Variants in MTRES1 observed in about 807,000 individuals in gnomAD.
MTRES1 encodes mitochondrial transcription rescue factor 1.
A neutral mutation model predicts 17.4 loss-of-function variants in MTRES1; 11 were observed. The ratio of observed to expected loss-of-function variants is 0.63; its 90% CI spans 0.40 to 1.05. The LOEUF is 1.05. Among genes scored for constraint, MTRES1 ranks in the 50% least tolerant of loss-of-function variants. MTRES1 has a pLI of 0.00. For missense variants in MTRES1, 268 were observed against 276.2 expected (o/e 0.97, Z 0.21); for synonymous variants, 94 against 99.6 (o/e 0.94, Z 0.34).
chr6:107,038,738 C>T (rs1359869868), intron 1 of MTRES1, among the ~76,000 whole-genome samples: 1 of 152,166 alleles, frequency 6.6e-6, no homozygotes, highest in African/African-American at 2.4e-5. Context: ...AGTCAACAGT[C>T]TTTCTCTCCA....
At chr6:107,049,720 C>CTTT (rs66581737) in intron 3 of MTRES1, among the ~76,000 whole-genome samples, 1 of 98,814 alleles carries the variant, frequency 1.0e-5, no homozygotes, top group African/African-American at 3.8e-5. Flanking sequence ...GCCGGCCCTT[C>CTTT]TTTTTTTTTT....
chr6:107,039,256 G>A (rs1385063351), intron 1 of MTRES1, among the ~76,000 whole-genome samples: 2 of 152,032 alleles, frequency 1.3e-5, no homozygotes, highest in Non-Finnish European at 2.9e-5. Flanking sequence ...GATTCACTGT[G>A]CTGTGGTATA....
At chr6:107,043,324 A>G (rs1451752670) in intron 2 of MTRES1, among the ~76,000 whole-genome samples, 1 of 147,754 alleles carries the variant, frequency 6.8e-6, no homozygotes, top group Non-Finnish European at 1.5e-5. Context: ...ATGGAGCGAG[A>G]CTCCATCTCA....
In MTRES1 at chr6:107,028,242, C is replaced by G. The variant is rs562503506; in HGVS notation, c.-42C>G. 6.6e-6 allele frequency: 1 copy of G among 152,168 alleles called. No homozygotes were observed. Among genetic ancestry groups the G allele is most frequent in the African/African-American group, 2.4e-5 (1 of 41,432 alleles). The allele number at this position is 152,168 out of a possible 1,614,324, so 9.4% of individuals were successfully genotyped here. Reference sequence around the variant, plus strand: ...TGGAGGCCTGCAGTCCGCGCGGCCGCGGGGAGGGACGAGAGGGCCTGACGT... The same window carrying G: ...TGGAGGCCTGCAGTCCGCGCGGCCGGGGGGAGGGACGAGAGGGCCTGACGT... On this transcript the variant is annotated 5_prime_UTR_variant, in exon 1 of 4. Coordinates refer to ENST00000311381, the MANE Select transcript of MTRES1 (RefSeq NM_016487.5).
rs149313138 is a variant in MTRES1, at chr6:107,034,876, A to G, written c.-12-4873A>G. Among the ~76,000 whole-genome samples the G allele has an allele frequency of 8.9e-4, 135 of 152,092 alleles. 1 individual carries two copies. The East Asian group carries it at 0.023, about 26-fold the overall frequency. On this transcript the variant is annotated intron_variant, in intron 1 of 3. Coordinates refer to ENST00000311381, the MANE Select transcript of MTRES1 (RefSeq NM_016487.5). ...GTGGCACATGCCTGTAATCCCAGCT[A>G]CTAGGGAGGCTGAGGCAGGAGAATC...
At chr6:107,039,330 T>A (rs940152831) in intron 1 of MTRES1, among the ~76,000 whole-genome samples, 3 of 152,224 alleles carry the variant, frequency 2.0e-5, no homozygotes, top group Admixed American at 6.6e-5. Flanking sequence ...TGGTTTTTTT[T>A]AATTTTGGGA....
intron 1 of MTRES1, among the ~76,000 whole-genome samples, chr6:107,031,816 G>A (rs1020708294): frequency 7.2e-5 from 11 of 152,052 alleles, no homozygotes; most frequent in Non-Finnish European, 1.6e-4. Flanking sequence ...GGTCAGGCTG[G>A]TCTCGAACTC....
At chr6:107,034,639 T>C (rs1307760114) in intron 1 of MTRES1, among the ~76,000 whole-genome samples, 3 of 152,128 alleles carry the variant, frequency 2.0e-5, no homozygotes, top group Non-Finnish European at 4.4e-5. Context: ...AAGGAACAAA[T>C]GAGTTAACGT....
chr6:107,035,174 C>G (rs1040071864), intron 1 of MTRES1, among the ~76,000 whole-genome samples: 6 of 151,804 alleles, frequency 4.0e-5, no homozygotes, highest in Admixed American at 3.9e-4. Context: ...ACTCTTGTTG[C>G]CCAGGCTGGA....
chr6:107,029,497 T>TTG (rs1484789753), intron 1 of MTRES1, among the ~76,000 whole-genome samples: 1 of 118,342 alleles, frequency 8.5e-6, no homozygotes, highest in African/African-American at 3.8e-5. Context: ...TGTTTTGTTG[T>TTG]TTTTTTTTTT....
intron 3 of MTRES1, among the ~76,000 whole-genome samples, chr6:107,049,256 A>G (rs9400081): frequency 0.11 from 16,023 of 152,134 alleles, 1,134 homozygotes; most frequent in East Asian, 0.36. Context: ...ATAAATGGCA[A>G]TGTGTGCCCA....
At chr6:107,035,771 C>T (rs1554226887) in intron 1 of MTRES1, among the ~76,000 whole-genome samples, 1 of 152,090 alleles carries the variant, frequency 6.6e-6, no homozygotes, top group Non-Finnish European at 1.5e-5. Flanking sequence ...GCCTCAGCCT[C>T]CCGAGTAGCT....
At chr6:107,044,479 A>G (rs1774326941) in intron 3 of MTRES1, 147 bp downstream of exon 3, 2 of 661,190 alleles carry the variant, frequency 3.0e-6, no homozygotes, top group Admixed American at 5.1e-5. Flanking sequence ...GGTGGGAATC[A>G]GCTACAGGCT....
chr6:107,039,605 C>A, intron 1 of MTRES1, 144 bp from the exon 2 acceptor site: 1 of 838,342 alleles, frequency 1.2e-6, no homozygotes, highest in Non-Finnish European at 1.8e-6. Flanking sequence ...CAGGCGTGAA[C>A]CACTGCGCCA....
intron 3 of MTRES1, among the ~76,000 whole-genome samples, chr6:107,048,786 A>C (rs1184962884): frequency 2.0e-5 from 3 of 151,504 alleles, no homozygotes; most frequent in Non-Finnish European, 4.4e-5. Flanking sequence ...GTCAAAAAAA[A>C]AAAAAAAAGA....
chr6:107,039,231 T>G (rs1283008361), intron 1 of MTRES1, among the ~76,000 whole-genome samples: 1 of 152,112 alleles, frequency 6.6e-6, no homozygotes, highest in Admixed American at 6.6e-5. Flanking sequence ...CTAAGCACAT[T>G]AGTTGCAGCT....
chr6:107,044,387 TAACTC>T (rs1285208710), intron 3 of MTRES1, 55 bp downstream of exon 3: 4 of 1,396,142 alleles, frequency 2.9e-6, no homozygotes, highest in African/African-American at 2.8e-5. Context: ...ACTCTGCTAG[TAACTC>T]AATTAATGCT....
chr6:107,041,417 T>C (rs182833758), intron 2 of MTRES1, among the ~76,000 whole-genome samples: 1 of 152,346 alleles, frequency 6.6e-6, no homozygotes, highest in East Asian at 1.9e-4. Flanking sequence ...TGTCAAACAC[T>C]TATTACAGTG....
rs558458447 is a variant in MTRES1 at position 107,036,571 on chromosome 6, C to T, written c.-12-3178C>T. On this transcript the variant is annotated intron_variant, in intron 1 of 3. Coordinates refer to ENST00000311381, the MANE Select transcript of MTRES1 (RefSeq NM_016487.5). ...AAAGTTGTTTAATTCTGGCTGGGTG[C>T]GGTGACTCACGCCTCTAATCCCAGC... 4.1e-4 allele frequency among the ~76,000 whole-genome samples: 63 copies of T among 151,808 alleles called. 1 individual carries two copies. Among genetic ancestry groups the T allele is most frequent in the Admixed American group, 3.4e-3 (51 of 15,208 alleles).
Sources: gnomAD v4.1 joint callset for allele counts (sites outside exome capture counted in the v4.1 genomes callset) on GRCh38, gnomAD v4.1.1 for gene constraint, MANE v1.5 for transcripts, NCBI Gene and HGNC (gene_info 2026-07-23, HGNC 2026-07-21) for gene names.